DSG3: variants seen among roughly 807,000 people sequenced by gnomAD.
The protein encoded by DSG3 is desmoglein 3.
A neutral mutation model predicts 85.9 loss-of-function variants in DSG3; 63 were observed. That is an observed-to-expected ratio of 0.73 (90% confidence interval 0.60 to 0.90). The LOEUF (loss-of-function observed/expected upper bound fraction) is 0.90. Among genes scored for constraint, DSG3 ranks in the 40% least tolerant of loss-of-function variants. DSG3 has a pLI of 0.00. For synonymous variants in DSG3, 447 were observed against 441.9 expected (o/e 1.01, Z -0.14); for missense variants, 1,220 against 1,219.9 (o/e 1.00, Z 0.00).
At chr18:31,462,135 T>C (rs1379157168) in intron 8 of DSG3, among the ~76,000 whole-genome samples, 3 of 152,108 alleles carry the variant, frequency 2.0e-5, no homozygotes, top group Non-Finnish European at 4.4e-5. Context: ...TGCAGTGATG[T>C]GATTTTGGCT....
chr18:31,471,341 A>G (rs1275740678), intron 12 of DSG3, among the ~76,000 whole-genome samples: 1 of 152,238 alleles, frequency 6.6e-6, no homozygotes, highest in African/African-American at 2.4e-5. Context: ...ACAACCTATG[A>G]TGTAGATACT....
intron 14 of DSG3, among the ~76,000 whole-genome samples, chr18:31,473,762 G>T (rs2199300): frequency 0.4 from 61,497 of 152,034 alleles, 12,834 homozygotes; most frequent in African/African-American, 0.47. Flanking sequence ...TGAGCTCATA[G>T]GACTGCTTAA....
intron 1 of DSG3, among the ~76,000 whole-genome samples, chr18:31,455,577 AGAC>A (rs2072737408): frequency 6.6e-6 from 1 of 152,238 alleles, no homozygotes. Flanking sequence ...ACATCAGTAA[AGAC>A]AATTTCATGG....
At chr18:31,464,005 C>A in intron 8 of DSG3, 106 bp from the exon 9 acceptor site, 1 of 1,081,584 alleles carries the variant, frequency 9.2e-7, no homozygotes, top group Non-Finnish European at 1.3e-6. Context: ...TATTTAAAAA[C>A]AAGAGAATTC....
At chr18:31,467,193 T>C (rs2072827483) in intron 11 of DSG3, among the ~76,000 whole-genome samples, 1 of 152,102 alleles carries the variant, frequency 6.6e-6, no homozygotes, top group South Asian at 2.1e-4. Context: ...ATACAAAAAT[T>C]AGCTAGGTGT....
intron 1 of DSG3, among the ~76,000 whole-genome samples, chr18:31,451,543 G>A (rs2072711825): frequency 6.6e-6 from 1 of 152,054 alleles, no homozygotes. Flanking sequence ...AAGAATTCTA[G>A]GCTAAATGGC....
At chr18:31,460,110 A>G in intron 6 of DSG3, 99 bp downstream of exon 6, 1 of 1,326,204 alleles carries the variant, frequency 7.5e-7, no homozygotes, top group Non-Finnish European at 1.0e-6. Context: ...TAAAAAAGAA[A>G]AGAGGTTCTC....
chr18:31,461,055 A>C, intron 7 of DSG3, 94 bp downstream of exon 7: 1 of 1,331,226 alleles, frequency 7.5e-7, no homozygotes, highest in Non-Finnish European at 1.0e-6. Flanking sequence ...CTTTTATTTA[A>C]GTTCTCTGCA....
Position 31,472,346 on chromosome 18 carries a change from G to T in DSG3, c.1960G>T (p.Gly654Cys), listed in dbSNP as rs764927611. The change falls in exon 13 of 16, where the codon GGT (glycine) becomes TGT (cysteine). Residue 654 changes from glycine to cysteine, a missense_variant. Coordinates refer to ENST00000257189, the MANE Select transcript of DSG3 (RefSeq NM_001944.3). ...AGGTTCTACTGGGGGAGTGACAGGTGGTTTTATCCCAGTTCCTGATGGCTC... is the reference window on the plus strand; with the variant it reads ...AGGTTCTACTGGGGGAGTGACAGGTTGTTTTATCCCAGTTCCTGATGGCTC... ...GAGSTGGVTG[G>C]FIPVPDGSEG... is the part of the protein sequence containing the mutation. 6.2e-7 allele frequency: 1 copy of T among 1,614,136 alleles called. No individual in the cohort carries two copies. The highest frequency in any genetic ancestry group is 8.5e-7 in the Non-Finnish European group (1 of 1,180,012).
chr18:31,465,061 G>A (rs1457746585), intron 9 of DSG3, among the ~76,000 whole-genome samples: 1 of 151,256 alleles, frequency 6.6e-6, no homozygotes, highest in African/African-American at 2.4e-5. Flanking sequence ...GGAGGCAGAG[G>A]TTGTGGTGAG....
At chr18:31,449,358 A>G (rs1344739533) in intron 1 of DSG3, among the ~76,000 whole-genome samples, 4 of 152,282 alleles carry the variant, frequency 2.6e-5, no homozygotes, top group Non-Finnish European at 4.4e-5. Flanking sequence ...GATAACCCCT[A>G]TGTCCAAGCC....
At position 31,470,740 on chromosome 18, in the gene DSG3, G is replaced by T. The variant is rs2072850500; in HGVS notation, c.1897+1391G>T. Among the ~76,000 whole-genome samples, 3 of 152,206 alleles carry T rather than the reference G, an allele frequency of 2.0e-5. No individual in the cohort carries two copies. In the South Asian group the frequency reaches 6.2e-4, roughly 31 times the overall value. Reference sequence around the variant, plus strand: ...ATCATTCAATTGAGCCTTGAAGAATGATTAGGATATAATCAGTATAAAAAA... The same window carrying T: ...ATCATTCAATTGAGCCTTGAAGAATTATTAGGATATAATCAGTATAAAAAA... On this transcript the variant is annotated intron_variant, in intron 12 of 15. Transcript: ENST00000257189.
At position 31,472,784 on chromosome 18, in the gene DSG3, T is replaced by C. The variant is rs984704891; in HGVS notation, c.2097T>C (p.Ser699=). 6.2e-6 allele frequency: 10 copies of C among 1,613,876 alleles called. No individual in the cohort carries two copies. In the African/African-American group the frequency reaches 6.7e-5, roughly 11 times the overall value. ...CCAATGGAGCCGATTTCATGGAAAG[T>C]TCTGGTAAGTGGACATAAAATGTTT... ...VTANGADFME[S]SEVCTNTYAR... Residue 699 remains serine (S), a synonymous_variant, in exon 14 of 16, where the codon AGT becomes AGC. Coordinates refer to ENST00000257189, the MANE Select transcript of DSG3 (RefSeq NM_001944.3).
At chr18:31,459,791 A>C in intron 5 of DSG3, 54 bp from the exon 6 acceptor site, 1 of 1,479,212 alleles carries the variant, frequency 6.8e-7, no homozygotes, top group South Asian at 1.3e-5. Flanking sequence ...ATTTAAAGTA[A>C]ACATAATGTT....
rs779977792 is a variant in DSG3, at chr18:31,460,814, A to G, written c.685-19A>G. 6.4e-7 allele frequency: 1 copy of G among 1,561,072 alleles called. No homozygotes were observed. ...TCTTTGGGATTAATTATTTTTCTTTATTTTTTATCCAAAATTAGCAAGCTA... is the reference window on the plus strand; with the variant it reads ...TCTTTGGGATTAATTATTTTTCTTTGTTTTTTATCCAAAATTAGCAAGCTA... On this transcript the variant is annotated intron_variant, in intron 6 of 15. Transcript: ENST00000257189.
chr18:31,453,417 C>CTAAAG (rs10648161), intron 1 of DSG3, among the ~76,000 whole-genome samples: 40,809 of 151,686 alleles, frequency 0.27, 6,074 homozygotes, highest in African/African-American at 0.41. Context: ...CTCGGCCAAA[C>CTAAAG]TAAAGAGCAG....
intron 13 of DSG3, 33 bp downstream of exon 13, chr18:31,472,456 A>G: frequency 1.3e-6 from 2 of 1,590,524 alleles, no homozygotes; most frequent in Non-Finnish European, 1.7e-6. Context: ...ATGTATTTCA[A>G]TTACATAGAG....
intron 12 of DSG3, among the ~76,000 whole-genome samples, chr18:31,472,027 T>C (rs1568091352): frequency 6.6e-6 from 1 of 152,198 alleles, no homozygotes; most frequent in Non-Finnish European, 1.5e-5. Flanking sequence ...CATCAGTGCC[T>C]ATTTTAAGAA....
intron 3 of DSG3, among the ~76,000 whole-genome samples, chr18:31,457,921 G>A (rs953646807): frequency 2.6e-5 from 4 of 151,842 alleles, no homozygotes; most frequent in African/African-American, 4.8e-5. Context: ...GAGCCACCAC[G>A]CCCAGCCTGT....
Sources: gnomAD v4.1 joint callset for allele counts (sites outside exome capture counted in the v4.1 genomes callset) on GRCh38, gnomAD v4.1.1 for gene constraint, MANE v1.5 for transcripts, NCBI Gene and HGNC (gene_info 2026-07-23, HGNC 2026-07-21) for gene names.